Variants in NRG3 observed in about 807,000 individuals in gnomAD.
NRG3 encodes the protein pro-neuregulin-3, membrane-bound isoform.
In NRG3, 31 loss-of-function variants were observed where a neutral mutation model predicts 66.9. The ratio of observed to expected loss-of-function variants is 0.46; its 90% CI spans 0.35 to 0.63. NRG3 has a LOEUF of 0.63. Ranked by LOEUF, NRG3 falls within the 20% of genes least tolerant of loss-of-function variation. NRG3 has a pLI of 0.00. For synonymous variants in NRG3, 393 were observed against 359.4 expected, an observed-to-expected ratio of 1.09 and a Z score of -1.06; for missense variants, 910 against 878.9, an observed-to-expected ratio of 1.04 and a Z score of -0.45.
intron 2 of NRG3, among the ~76,000 whole-genome samples, chr10:82,558,786 G>C (rs1048852585): frequency 1.3e-5 from 2 of 151,976 alleles, no homozygotes; most frequent in Admixed American, 6.6e-5. Flanking sequence ...CTCTTATCAG[G>C]TTTGTGTTGT....
intron 2 of NRG3, 129 bp from the exon 3 acceptor site, chr10:82,738,448 G>A: frequency 1.3e-6 from 1 of 748,366 alleles, no homozygotes; most frequent in Non-Finnish European, 2.3e-6. Flanking sequence ...GAAACAGACT[G>A]AATCAAAAAA....
intron 4 of NRG3, among the ~76,000 whole-genome samples, chr10:82,939,556 G>A (rs1242857906): frequency 1.3e-5 from 2 of 151,734 alleles, no homozygotes; most frequent in Non-Finnish European, 1.5e-5. Flanking sequence ...TGCAAGCTCC[G>A]CCTCCCGGGT....
intron 1 of NRG3, among the ~76,000 whole-genome samples, chr10:82,246,010 A>G (rs1206647040): frequency 2.2e-5 from 3 of 136,360 alleles, no homozygotes; most frequent in African/African-American, 8.5e-5. Flanking sequence ...TTAACTCAAC[A>G]TATATTGTGA....
At chr10:82,420,073 G>A (rs12242336) in intron 2 of NRG3, among the ~76,000 whole-genome samples, 35,122 of 151,958 alleles carry the variant, frequency 0.23, 6,253 homozygotes, top group African/African-American at 0.5. Flanking sequence ...TCTCATTTCT[G>A]CCGCTCTCCC....
At chr10:82,813,815 G>T (rs774736965) in intron 3 of NRG3, among the ~76,000 whole-genome samples, 9 of 152,106 alleles carry the variant, frequency 5.9e-5, no homozygotes, top group African/African-American at 1.4e-4. Flanking sequence ...ATATTGAAGC[G>T]ATCTTTCCAA....
At chr10:82,546,408 C>T (rs1296180407) in intron 2 of NRG3, among the ~76,000 whole-genome samples, 2 of 151,918 alleles carry the variant, frequency 1.3e-5, no homozygotes, top group African/African-American at 4.8e-5. Flanking sequence ...AACTTAAAAA[C>T]AACATGGAGC....
intron 2 of NRG3, among the ~76,000 whole-genome samples, chr10:82,430,106 C>A (rs779933099): frequency 3.3e-5 from 5 of 152,088 alleles, no homozygotes; most frequent in Non-Finnish European, 5.9e-5. Flanking sequence ...GATGTGGTTT[C>A]TTTTACTTCT....
chr10:81,878,980 T>G (rs1333934415), intron 1 of NRG3, among the ~76,000 whole-genome samples: 2 of 152,204 alleles, frequency 1.3e-5, no homozygotes, highest in Non-Finnish European at 2.9e-5. Context: ...CAAAAGCTGT[T>G]TTTGCTATGG....
At chr10:82,464,397 C>T (rs1278114131) in intron 2 of NRG3, among the ~76,000 whole-genome samples, 1 of 152,098 alleles carries the variant, frequency 6.6e-6, no homozygotes, top group Admixed American at 6.6e-5. Flanking sequence ...CTAATTGACT[C>T]GATGGGGGGA....
intron 2 of NRG3, among the ~76,000 whole-genome samples, chr10:82,507,036 C>T (rs868612251): frequency 2.6e-5 from 4 of 152,086 alleles, no homozygotes; most frequent in Non-Finnish European, 4.4e-5. Context: ...AAAATGTAAT[C>T]GTGAGGTGAA....
At chr10:82,043,923 T>G (rs1431837883) in intron 1 of NRG3, among the ~76,000 whole-genome samples, 3 of 152,078 alleles carry the variant, frequency 2.0e-5, no homozygotes, top group Non-Finnish European at 2.9e-5. Flanking sequence ...TCTTCTAATA[T>G]TAAACATTGA....
At chr10:82,052,922 A>G (rs1309497472) in intron 1 of NRG3, among the ~76,000 whole-genome samples, 18 of 152,196 alleles carry the variant, frequency 1.2e-4, no homozygotes, top group African/African-American at 3.4e-4. Flanking sequence ...GCAACTACAC[A>G]AGAAAATATG....
At chr10:82,278,751 C>T (rs1251950612) in intron 1 of NRG3, among the ~76,000 whole-genome samples, 2 of 152,140 alleles carry the variant, frequency 1.3e-5, no homozygotes, top group African/African-American at 4.8e-5. Context: ...GTTTTCATGG[C>T]TCTGTATTCT....
chr10:82,747,598 T>C (rs1182755510), intron 3 of NRG3, among the ~76,000 whole-genome samples: 1 of 152,110 alleles, frequency 6.6e-6, no homozygotes, highest in African/African-American at 2.4e-5. Context: ...GAATCCTTTT[T>C]TCACTTGTTT....
At position 82,362,591 on chromosome 10, in the gene NRG3, G is replaced by T. The variant is rs534016037; in HGVS notation, c.953+3723G>T. 3.0e-5 allele frequency among the ~76,000 whole-genome samples: 4 copies of T among 134,114 alleles called. No individual in the cohort carries two copies. In the East Asian group the frequency reaches 8.9e-4, roughly 30 times the overall value. 88.0% of individuals were successfully genotyped at this position (134,114 alleles called of 152,430 possible). On this transcript the variant is annotated intron_variant, in intron 2 of 8. Transcript: ENST00000372141. ...TTTTCGTAGAAATGGGGCCTCACTAGGTTGCCCAGGCTGGTCTCCAACTCC... is the reference window on the plus strand; with the variant it reads ...TTTTCGTAGAAATGGGGCCTCACTATGTTGCCCAGGCTGGTCTCCAACTCC...
intron 2 of NRG3, among the ~76,000 whole-genome samples, chr10:82,538,852 A>G (rs1377181971): frequency 6.6e-6 from 1 of 152,084 alleles, no homozygotes; most frequent in Non-Finnish European, 1.5e-5. Context: ...GAGGAACTAT[A>G]CTCTAGGTAA....
At chr10:82,563,799 T>G (rs1446355438) in intron 2 of NRG3, among the ~76,000 whole-genome samples, 1 of 152,054 alleles carries the variant, frequency 6.6e-6, no homozygotes, top group Non-Finnish European at 1.5e-5. Context: ...CAGTACATCA[T>G]TATTAACTAT....
At chr10:82,399,132 T>C (rs1055814835) in intron 2 of NRG3, among the ~76,000 whole-genome samples, 7 of 152,186 alleles carry the variant, frequency 4.6e-5, no homozygotes, top group African/African-American at 1.7e-4. Context: ...TTAGTTAAAT[T>C]AGAATCATGA....
intron 1 of NRG3, among the ~76,000 whole-genome samples, chr10:82,345,319 G>T (rs1188682798): frequency 6.8e-6 from 1 of 146,184 alleles, no homozygotes; most frequent in Non-Finnish European, 1.5e-5. Context: ...ATTAAATAGG[G>T]AATCCTTTCT....
Sources: allele counts gnomAD v4.1 joint callset (sites outside exome capture counted in the v4.1 genomes callset), GRCh38; gene constraint gnomAD v4.1.1; transcripts MANE v1.5; gene names NCBI Gene and HGNC (gene_info 2026-07-23, HGNC 2026-07-21).